Variants in CSMD1 observed in about 807,000 individuals in gnomAD.
CSMD1 encodes CUB and Sushi multiple domains 1.
CSMD1 carries 213 observed loss-of-function variants against 417.5 expected under a neutral mutation model. The ratio of observed to expected loss-of-function variants is 0.51; its 90% CI spans 0.46 to 0.57. The LOEUF is 0.57. Among genes scored for constraint, CSMD1 ranks in the 20% least tolerant of loss-of-function variants. The probability of loss-of-function intolerance (pLI) is 0.00; values close to 1 mark genes in which losing one functional copy is unlikely to be tolerated. For synonymous variants in CSMD1, 2,862 were observed against 1,736.8 expected (o/e 1.65, Z -16.11); for missense variants, 6,923 against 4,529.7 (o/e 1.53, Z -15.17).
chr8:3,110,033 A>G (rs1324760617), intron 43 of CSMD1, 125 bp downstream of exon 43: 1 of 815,808 alleles, frequency 1.2e-6, no homozygotes, highest in Non-Finnish European at 1.8e-6. Flanking sequence ...TTCGTTGGTG[A>G]ATTTCTTCTC....
chr8:3,235,431 G>C (rs910823481), intron 26 of CSMD1, among the ~76,000 whole-genome samples: 1 of 152,230 alleles, frequency 6.6e-6, no homozygotes, highest in Middle Eastern at 3.4e-3. Context: ...CAAAAAATAA[G>C]TGCTCTGTTG....
chr8:4,607,679 C>A (rs914961538), intron 2 of CSMD1, among the ~76,000 whole-genome samples: 1 of 152,088 alleles, frequency 6.6e-6, no homozygotes, highest in African/African-American at 2.4e-5. Flanking sequence ...AAATTTCCAC[C>A]TTTTTTCCAG....
intron 32 of CSMD1, among the ~76,000 whole-genome samples, chr8:3,200,679 C>G (rs1332282992): frequency 6.6e-6 from 1 of 151,948 alleles, no homozygotes; most frequent in Non-Finnish European, 1.5e-5. Flanking sequence ...ATAAGGTTTT[C>G]AGAGGACAAT....
chr8:3,377,115 C>T (rs1174072431), intron 18 of CSMD1, among the ~76,000 whole-genome samples: 1 of 148,652 alleles, frequency 6.7e-6, no homozygotes, highest in African/African-American at 2.4e-5. Context: ...CTCAAGTGAT[C>T]CCCCTGCCTC....
At chr8:4,186,922 C>G (rs140550861) in intron 3 of CSMD1, among the ~76,000 whole-genome samples, 3 of 151,908 alleles carry the variant, frequency 2.0e-5, no homozygotes, top group African/African-American at 7.3e-5. Context: ...CCTGAACCCA[C>G]GAGGCAGAGA....
intron 2 of CSMD1, among the ~76,000 whole-genome samples, chr8:4,609,352 G>C (rs1209170224): frequency 2.0e-5 from 3 of 152,208 alleles, no homozygotes; most frequent in Non-Finnish European, 4.4e-5. Context: ...AGTGAGCCGA[G>C]ACTGCGTGAC....
At chr8:3,357,624 G>A (rs539981486) in intron 21 of CSMD1, among the ~76,000 whole-genome samples, 1 of 152,164 alleles carries the variant, frequency 6.6e-6, no homozygotes, top group South Asian at 2.1e-4. Flanking sequence ...ATTATAATCA[G>A]TAGACTACTG....
chr8:3,035,925 T>G (rs557244941), intron 50 of CSMD1, among the ~76,000 whole-genome samples: 2 of 152,306 alleles, frequency 1.3e-5, no homozygotes, highest in Non-Finnish European at 2.9e-5. Context: ...TTTTCACAAA[T>G]TCAGGAGAAC....
chr8:4,069,228 G>C (rs780548702), intron 3 of CSMD1, among the ~76,000 whole-genome samples: 1 of 152,160 alleles, frequency 6.6e-6, no homozygotes, highest in Non-Finnish European at 1.5e-5. Context: ...TTGTCATACA[G>C]ATGAGAAAAT....
intron 3 of CSMD1, among the ~76,000 whole-genome samples, chr8:4,257,403 T>A (rs1803537968): frequency 6.6e-6 from 1 of 150,902 alleles, no homozygotes; most frequent in African/African-American, 2.5e-5. Context: ...TCATCTCATG[T>A]ATAATCATGG....
At chr8:3,508,404 G>T (rs963365480) in intron 10 of CSMD1, among the ~76,000 whole-genome samples, 1 of 151,922 alleles carries the variant, frequency 6.6e-6, no homozygotes, top group Non-Finnish European at 1.5e-5. Flanking sequence ...TATACCTAAT[G>T]TAAGTGACGA....
intron 2 of CSMD1, among the ~76,000 whole-genome samples, chr8:4,517,990 T>C (rs1390419908): frequency 2.6e-5 from 4 of 152,194 alleles, no homozygotes; most frequent in African/African-American, 9.7e-5. Context: ...CTATTCAATA[T>C]TGATACTCAT....
intron 29 of CSMD1, among the ~76,000 whole-genome samples, chr8:3,216,273 G>C (rs929982989): frequency 6.6e-6 from 1 of 152,020 alleles, no homozygotes; most frequent in Non-Finnish European, 1.5e-5. Flanking sequence ...AGCAAATACA[G>C]ATCAAATAAG....
intron 3 of CSMD1, among the ~76,000 whole-genome samples, chr8:4,149,468 T>G (rs1029659344): frequency 6.6e-6 from 1 of 152,214 alleles, no homozygotes; most frequent in Non-Finnish European, 1.5e-5. Flanking sequence ...AATCTTCCAA[T>G]ATATTTGAAG....
intron 3 of CSMD1, among the ~76,000 whole-genome samples, chr8:4,326,614 G>C (rs1057235401): frequency 4.6e-5 from 7 of 152,180 alleles, no homozygotes; most frequent in Admixed American, 2.6e-4. Flanking sequence ...AAAACAGTAA[G>C]AAACCTCAGA....
At chr8:4,911,289 T>C (rs567591034) in intron 1 of CSMD1, among the ~76,000 whole-genome samples, 21 of 152,344 alleles carry the variant, frequency 1.4e-4, no homozygotes, top group Admixed American at 1.2e-3. Context: ...ACATACTGGA[T>C]AAAGTGTTTC....
At position 2,937,428 on chromosome 8, in the gene CSMD1, A is replaced by C. The variant is rs1801554273; in HGVS notation, c.*1157T>G. The C allele has an allele frequency of 8.0e-6, 1 of 124,236 alleles. No individual in the cohort carries two copies. The highest frequency in any genetic ancestry group is 9.4e-5 in the Admixed American group (1 of 10,620). 7.7% of individuals were successfully genotyped at this position (124,236 alleles called of 1,614,324 possible). A position where few individuals can be genotyped will look rare whatever the true frequency, so the allele number is the denominator to read the frequency against. On this transcript the variant is annotated 3_prime_UTR_variant, in exon 70 of 70. Transcript: ENST00000635120. ...ATGCAATATCAAAGATCGATGGCAC[A>C]GTAAAAGACAAAAAAAAAAAAAAAC...
chr8:4,047,630 C>G (rs1162890404), intron 3 of CSMD1, among the ~76,000 whole-genome samples: 1 of 151,946 alleles, frequency 6.6e-6, no homozygotes, highest in African/African-American at 2.4e-5. Flanking sequence ...ACTAGGAATG[C>G]AATATCGCCC....
At position 3,458,216 on chromosome 8, in the gene CSMD1, G is replaced by A. The variant is rs1261367314; in HGVS notation, c.1561+10496C>T. Among the ~76,000 whole-genome samples the A allele has an allele frequency of 6.6e-5, 10 of 152,238 alleles. No individual in the cohort carries two copies. In the South Asian group the frequency reaches 1.5e-3, roughly 22 times the overall value. Reference sequence around the variant, plus strand: ...AGTGCAATGTAGCTGGAGCTAACGGGCCACTAACACTGGAATTTAAATGTC... The same window carrying A: ...AGTGCAATGTAGCTGGAGCTAACGGACCACTAACACTGGAATTTAAATGTC... On this transcript the variant is annotated intron_variant, in intron 12 of 69. Transcript: ENST00000635120.
Sources: allele counts gnomAD v4.1 joint callset (sites outside exome capture counted in the v4.1 genomes callset), GRCh38; gene constraint gnomAD v4.1.1; transcripts MANE v1.5; gene names NCBI Gene and HGNC (gene_info 2026-07-23, HGNC 2026-07-21).